Variants in LTF observed in about 807,000 individuals in gnomAD.
LTF encodes the protein lactotransferrin.
LTF carries 91 observed loss-of-function variants against 87.2 expected under a neutral mutation model. The observed-to-expected ratio is 1.04, with a 90% CI of 0.88 to 1.24. The LOEUF is 1.24. Ranked by LOEUF, LTF falls within the 50% of genes most tolerant of loss-of-function variation. The probability of loss-of-function intolerance (pLI) is 0.00; values close to 1 mark genes in which losing one functional copy is unlikely to be tolerated. For synonymous variants in LTF, 378 were observed against 356.1 expected, an observed-to-expected ratio of 1.06 and a Z score of -0.69; for missense variants, 901 against 904.3, an observed-to-expected ratio of 1.00 and a Z score of 0.05.
chr3:46,443,432 C>T lies in LTF; in HGVS notation c.1655+9G>A. The T allele has an allele frequency of 6.2e-7, 1 of 1,614,070 alleles. No individual in the cohort carries two copies. The highest frequency in any genetic ancestry group is 8.5e-7 in the Non-Finnish European group (1 of 1,180,014). ...TCCCCATCCTGATGGAGCTCAGTCA[C>T]AGACTCACCGGAAAGCCCCAGTGTA... On this transcript the variant is annotated intron_variant, in intron 13 of 16. Coordinates refer to ENST00000231751, the MANE Select transcript of LTF (RefSeq NM_002343.6).
chr3:46,475,247 T>C (rs1703345213), intron 1 of LTF, among the ~76,000 whole-genome samples: 1 of 151,960 alleles, frequency 6.6e-6, no homozygotes, highest in African/African-American at 2.4e-5. Flanking sequence ...ACAGATCATC[T>C]GAATTAAGAA....
In LTF at chr3:46,480,190, C is replaced by T. The variant is rs528007880; in HGVS notation, c.-320+4796G>A. ...TTGCTATAAAAGCCAAAGTTAGAGG[C>T]CTTGAACTTTATTTAAAACTAATTT... is the stretch of plus-strand genomic sequence containing the variant. On this transcript the variant is annotated intron_variant, in intron 1 of 19. Coordinates refer to the LTF transcript ENST00000443496. 1.8e-4 allele frequency among the ~76,000 whole-genome samples: 28 copies of T among 152,276 alleles called. No homozygotes were observed. The South Asian group carries it at 5.4e-3, about 29-fold the overall frequency.
chr3:46,476,775 G>A (rs1031177260), intron 1 of LTF, among the ~76,000 whole-genome samples: 2 of 152,162 alleles, frequency 1.3e-5, no homozygotes, highest in African/African-American at 4.8e-5. Context: ...TGTGTGTGAA[G>A]TTTTTATAAA....
At chr3:46,461,970 T>C (rs1215322697) in intron 1 of LTF, among the ~76,000 whole-genome samples, 1 of 152,130 alleles carries the variant, frequency 6.6e-6, no homozygotes, top group Non-Finnish European at 1.5e-5. Context: ...GGCCCTTGGG[T>C]GGGCAAGAGG....
intron 12 of LTF, 89 bp from the exon 13 acceptor site, chr3:46,443,671 G>A (rs1176486502): frequency 9.0e-6 from 12 of 1,334,572 alleles, no homozygotes; most frequent in African/African-American, 1.4e-5. Flanking sequence ...GGTGGTTTCA[G>A]TTCATTAGAC....
intron 1 of LTF, among the ~76,000 whole-genome samples, chr3:46,482,428 C>T (rs1001809759): frequency 5.4e-5 from 8 of 148,896 alleles, no homozygotes; most frequent in Non-Finnish European, 8.9e-5. Context: ...TGTGATCACA[C>T]CATTGAACTC....
chr3:46,448,969 A>G lies in LTF; in HGVS notation c.1106T>C (p.Val369Ala), dbSNP rs766474572. 5.6e-6 allele frequency: 9 copies of G among 1,613,340 alleles called. No individual in the cohort carries two copies. The highest frequency in any genetic ancestry group is 8.5e-7 in the Non-Finnish European group (1 of 1,179,840). The change falls in exon 9 of 17, where the codon GTG (valine) becomes GCG (alanine). Residue 369 changes from valine (V) to alanine (A), a missense_variant. Coordinates refer to ENST00000231751, the MANE Select transcript of LTF (RefSeq NM_002343.6). ...ACACTTGCGCAGCTCCTGCTCGCCCACCGCACACCACACGACCCGCGCACG... is the reference window on the plus strand; with the variant it reads ...ACACTTGCGCAGCTCCTGCTCGCCCGCCGCACACCACACGACCCGCGCACG... ...ARRARVVWCAVGEQELRKCNQ... is the reference protein window; with the variant it reads ...ARRARVVWCAAGEQELRKCNQ...
chr3:46,450,155 C>CCTCTGCAGGAGGGTCTCAACCGAGG, intron 7 of LTF, 127 bp from the exon 8 acceptor site: 1 of 768,822 alleles, frequency 1.3e-6, no homozygotes, highest in Non-Finnish European at 2.1e-6. Flanking sequence ...CGGTTGAGAC[C>CCTCTGCAGGAGGGTCTCAACCGAGG]CTCCTGCAGA....
intron 1 of LTF, among the ~76,000 whole-genome samples, chr3:46,473,770 G>A (rs1411203998): frequency 3.9e-5 from 6 of 152,058 alleles, no homozygotes; most frequent in Non-Finnish European, 5.9e-5. Context: ...TCCAGAGAAC[G>A]TCCCCATCTC....
At chr3:46,441,713 C>T (rs994582203) in intron 13 of LTF, 44 of 461,008 alleles carry the variant, frequency 9.5e-5, no homozygotes, top group African/African-American at 2.2e-4. Context: ...TAAAGATATG[C>T]GACCCAGGAA....
intron 15 of LTF, 78 bp from the exon 16 acceptor site, chr3:46,438,207 T>C (rs866031489): frequency 8.2e-7 from 1 of 1,215,164 alleles, no homozygotes; most frequent in Middle Eastern, 2.1e-4. Flanking sequence ...GGGTATTTCT[T>C]CCACCCAAGA....
At chr3:46,459,159 CA>C (rs754364060) in intron 2 of LTF, among the ~76,000 whole-genome samples, 3 of 152,166 alleles carry the variant, frequency 2.0e-5, no homozygotes, top group Non-Finnish European at 2.9e-5. Flanking sequence ...AAATCATATA[CA>C]AGTCATGATA....
chr3:46,462,274 G>A (rs1703100642), intron 1 of LTF, among the ~76,000 whole-genome samples: 1 of 152,180 alleles, frequency 6.6e-6, no homozygotes, highest in African/African-American at 2.4e-5. Context: ...AAAAGAGGAA[G>A]CTAAGAATGG....
intron 1 of LTF, among the ~76,000 whole-genome samples, chr3:46,473,966 T>C (rs1360570206): frequency 6.6e-6 from 1 of 152,108 alleles, no homozygotes; most frequent in Non-Finnish European, 1.5e-5. Context: ...TACAAAGATA[T>C]ATACTCAAAG....
Position 46,439,304 on chromosome 3 carries a change from G to A in LTF, c.1900C>T (p.His634Tyr). The stretch of plus-strand genomic sequence containing the variant: ...AGCCCTGTGGTCCATACCTGTTGGT[G>A]GAGCAACACCTGTTTCAGGCGTTCC... ...KVERLKQVLL[H>Y]QQAKFGRNGS... The change falls in exon 15 of 17, where the codon CAC becomes TAC. Residue 634 changes from histidine (H) to tyrosine (Y), a missense_variant. Physicochemically the swap from His to Tyr is moderately conservative, Grantham distance 83 (BLOSUM62 2). Transcript: ENST00000231751. 1.9e-6 allele frequency: 3 copies of A among 1,611,010 alleles called. No individual in the cohort carries two copies. Among genetic ancestry groups the A allele is most frequent in the South Asian group, 2.2e-5 (2 of 90,638 alleles).
In LTF at chr3:46,450,650, T is replaced by C; in HGVS notation, c.727A>G (p.Arg243Gly). 6.2e-7 allele frequency: 1 copy of C among 1,612,274 alleles called. No homozygotes were observed. Among genetic ancestry groups the C allele is most frequent in the Non-Finnish European group, 8.5e-7 (1 of 1,178,412 alleles). ...GGGCAGAGTAACTCATACTCGTCCC[T>C]TTCAGCCTCGTCTGACAGGTCCTCT... ...VFEDLSDEAE[R>G]DEYELLCPDN... The change falls in exon 7 of 17, where the codon AGG becomes GGG. Residue 243 changes from arginine to glycine, a missense_variant. Coordinates refer to ENST00000231751, the MANE Select transcript of LTF (RefSeq NM_002343.6).
At chr3:46,447,496 C>T (rs899309919) in intron 9 of LTF, 98 bp from the exon 10 acceptor site, 20 of 834,148 alleles carry the variant, frequency 2.4e-5, no homozygotes, top group Non-Finnish European at 3.9e-5. Context: ...TGTCAGGTGA[C>T]CAGTGAAACA....
intron 1 of LTF, among the ~76,000 whole-genome samples, chr3:46,484,745 C>T (rs879537061): frequency 7.2e-5 from 11 of 152,194 alleles, no homozygotes; most frequent in Non-Finnish European, 1.5e-4. Flanking sequence ...CAGACATTCC[C>T]AGCAGGTGCT....
intron 1 of LTF, among the ~76,000 whole-genome samples, chr3:46,461,409 G>A (rs1703077928): frequency 6.6e-6 from 1 of 152,212 alleles, no homozygotes; most frequent in South Asian, 2.1e-4. Context: ...CAACCTAAAT[G>A]TCCAATAACT....
Sources: gnomAD v4.1 joint callset for allele counts (sites outside exome capture counted in the v4.1 genomes callset) on GRCh38, gnomAD v4.1.1 for gene constraint, MANE v1.5 for transcripts, NCBI Gene and HGNC (gene_info 2026-07-23, HGNC 2026-07-21) for gene names.